The following GLIS1 variants were observed in gnomAD, a reference collection of about 807,000 sequenced individuals.
GLIS1 encodes the protein GLIS family zinc finger 1, also known as zinc finger protein GLIS1.
In GLIS1, 24 loss-of-function variants were observed where a neutral mutation model predicts 63.8. The ratio of observed to expected loss-of-function variants is 0.38; its 90% CI spans 0.27 to 0.53. The LOEUF is 0.53. GLIS1 is among the 20% of genes least tolerant of loss of function. The pLI is 0.85. For synonymous variants in GLIS1, 450 were observed against 482.5 expected (o/e 0.93, Z 0.88); for missense variants, 1,036 against 1,074.1 (o/e 0.96, Z 0.50).
intron 2 of GLIS1, among the ~76,000 whole-genome samples, chr1:53,624,556 A>T (rs1276383287): frequency 6.7e-6 from 1 of 149,038 alleles, no homozygotes; most frequent in Non-Finnish European, 1.5e-5. Context: ...TTTTTTTTTT[A>T]AAGAGACGGA....
intron 2 of GLIS1, among the ~76,000 whole-genome samples, chr1:53,687,269 C>T (rs571560765): frequency 6.6e-6 from 1 of 152,330 alleles, no homozygotes; most frequent in Non-Finnish European, 1.5e-5. Flanking sequence ...CAAGGCCCTT[C>T]ATACCCTGCA....
At chr1:53,521,515 G>T (rs1274392069) in intron 6 of GLIS1, among the ~76,000 whole-genome samples, 1 of 152,146 alleles carries the variant, frequency 6.6e-6, no homozygotes. Context: ...CCTGTAATAA[G>T]CAGCAACAGT....
rs1645762942 is a variant in GLIS1 at position 53,639,486 on chromosome 1, G to A, written c.260-39208C>T. On this transcript the variant is annotated intron_variant, in intron 2 of 10. Coordinates refer to ENST00000628545, the MANE Select transcript of GLIS1 (RefSeq NM_001367484.1). This position sits in a 1 kb window ranked among gnomAD's most constrained non-coding sequence, Gnocchi z 4.6. Reference sequence around the variant, plus strand: ...TAAATCAATCAGTAAATTCCAAGCAGATGCGCACAGGCTGTTTTGGTTGGA... The same window carrying A: ...TAAATCAATCAGTAAATTCCAAGCAAATGCGCACAGGCTGTTTTGGTTGGA... Among the ~76,000 whole-genome samples, 1 of 152,114 alleles carries A rather than the reference G, an allele frequency of 6.6e-6. No individual in the cohort carries two copies. Among genetic ancestry groups the A allele is most frequent in the Non-Finnish European group, 1.5e-5 (1 of 68,022 alleles).
chr1:53,525,293 G>C (rs1569750932), intron 5 of GLIS1, among the ~76,000 whole-genome samples: 1 of 151,246 alleles, frequency 6.6e-6, no homozygotes. Flanking sequence ...TGGGGAGGAG[G>C]AGAGGGGAAG....
At chr1:53,660,454 A>T (rs1373772556) in intron 2 of GLIS1, among the ~76,000 whole-genome samples, 1 of 152,216 alleles carries the variant, frequency 6.6e-6, no homozygotes, top group Non-Finnish European at 1.5e-5. Flanking sequence ...TAGCTCCAAG[A>T]CTGGCCCTGG....
At chr1:53,557,182 C>T (rs775236446) in intron 4 of GLIS1, among the ~76,000 whole-genome samples, 2 of 152,246 alleles carry the variant, frequency 1.3e-5, no homozygotes, top group Non-Finnish European at 2.9e-5. Context: ...GAGCCCACAG[C>T]CATGGCTGGG....
intron 9 of GLIS1, 100 bp from the exon 10 acceptor site, chr1:53,509,387 G>A: frequency 8.0e-7 from 1 of 1,246,374 alleles, no homozygotes; most frequent in Non-Finnish European, 1.1e-6. Flanking sequence ...GTGTTGTCCT[G>A]TCCAGGCATT....
intron 2 of GLIS1, among the ~76,000 whole-genome samples, chr1:53,641,929 A>G (rs1034321699): frequency 6.6e-6 from 1 of 152,194 alleles, no homozygotes; most frequent in Admixed American, 6.5e-5. Context: ...GTCCCATCCC[A>G]GGGCCGCTGC....
At position 53,543,788 on chromosome 1, in the gene GLIS1, C is replaced by G. The variant is rs372470411; in HGVS notation, c.1321-13836G>C. 2.0e-5 allele frequency among the ~76,000 whole-genome samples: 3 copies of G among 151,834 alleles called. No homozygotes were observed. In the South Asian group the frequency reaches 6.2e-4, roughly 32 times the overall value. On this transcript the variant is annotated intron_variant, in intron 4 of 10. Transcript: ENST00000628545. Reference sequence around the variant, plus strand: ...ACCCCTCACCTGCATCTCGGATGTCCCAGGGGTCTGAGAGGGAAGTGGTCA... The same window carrying G: ...ACCCCTCACCTGCATCTCGGATGTCGCAGGGGTCTGAGAGGGAAGTGGTCA...
At chr1:53,737,058 A>T (rs1371689695) in intron 2 of GLIS1, among the ~76,000 whole-genome samples, 1 of 152,248 alleles carries the variant, frequency 6.6e-6, no homozygotes, top group Non-Finnish European at 1.5e-5. Flanking sequence ...TGTCAGCACG[A>T]AACTCATAAA....
At chr1:53,628,331 A>G (rs1280981453) in intron 2 of GLIS1, among the ~76,000 whole-genome samples, 2 of 152,142 alleles carry the variant, frequency 1.3e-5, no homozygotes, top group Non-Finnish European at 2.9e-5. Flanking sequence ...CCACCTCTGT[A>G]TTCTCCCATG....
intron 4 of GLIS1, among the ~76,000 whole-genome samples, chr1:53,588,857 G>A (rs1192924289): frequency 2.0e-5 from 3 of 152,206 alleles, no homozygotes; most frequent in Admixed American, 6.5e-5. Flanking sequence ...TTTTGCCTGC[G>A]AACTTCAGAA....
intron 4 of GLIS1, among the ~76,000 whole-genome samples, chr1:53,554,800 C>T (rs1644800190): frequency 6.6e-6 from 1 of 152,198 alleles, no homozygotes; most frequent in Non-Finnish European, 1.5e-5. Flanking sequence ...CACTGTGGGG[C>T]TCAGAACAGC....
At chr1:53,713,980 T>A (rs1013090043) in intron 2 of GLIS1, among the ~76,000 whole-genome samples, 1 of 152,218 alleles carries the variant, frequency 6.6e-6, no homozygotes, top group African/African-American at 2.4e-5. Context: ...CTTTAGGGTG[T>A]GTGGCTGGAC....
chr1:53,730,748 T>C (rs1462150642), intron 2 of GLIS1, among the ~76,000 whole-genome samples: 1 of 152,192 alleles, frequency 6.6e-6, no homozygotes, highest in Non-Finnish European at 1.5e-5. Flanking sequence ...TCCCTGAGAA[T>C]GTACACATTC....
intron 2 of GLIS1, among the ~76,000 whole-genome samples, chr1:53,726,239 C>T (rs1165868202): frequency 2.0e-5 from 3 of 151,948 alleles, no homozygotes; most frequent in Non-Finnish European, 4.4e-5. Flanking sequence ...GTAGAAGGGG[C>T]GGGTAGGTCG....
intron 2 of GLIS1, among the ~76,000 whole-genome samples, chr1:53,640,924 G>A (rs1260934727): frequency 1.3e-5 from 2 of 152,120 alleles, no homozygotes; most frequent in Non-Finnish European, 2.9e-5. Flanking sequence ...AGAAGACGTG[G>A]GGGAAAGGAA....
intron 4 of GLIS1, among the ~76,000 whole-genome samples, chr1:53,577,323 C>A (rs1645042080): frequency 6.6e-6 from 1 of 152,090 alleles, no homozygotes; most frequent in Admixed American, 6.5e-5. Context: ...CTCAATGAAC[C>A]CAGGCCAGAG....
intron 4 of GLIS1, among the ~76,000 whole-genome samples, chr1:53,563,706 A>G (rs1327823234): frequency 1.3e-5 from 2 of 152,200 alleles, no homozygotes; most frequent in African/African-American, 4.8e-5. Flanking sequence ...AGTTTTCCAG[A>G]GCTGCAAGGA....
Sources: gnomAD v4.1 joint callset for allele counts (sites outside exome capture counted in the v4.1 genomes callset) on GRCh38, gnomAD v4.1.1 for gene constraint, Gnocchi (gnomAD v3.1) non-coding constraint, MANE v1.5 for transcripts, NCBI Gene and HGNC (gene_info 2026-07-23, HGNC 2026-07-21) for gene names.